The following PLEKHG6 variants were observed in gnomAD, a reference collection of about 807,000 sequenced individuals.
The protein encoded by PLEKHG6 is pleckstrin homology and RhoGEF domain containing G6, also known as pleckstrin homology domain-containing family G member 6.
A neutral mutation model predicts 97.5 loss-of-function variants in PLEKHG6; 91 were observed. That is an observed-to-expected ratio of 0.93 (90% CI 0.79 to 1.11). The LOEUF is 1.11. Ranked by LOEUF, PLEKHG6 falls within the 50% of genes most tolerant of loss-of-function variation. The pLI, the probability that PLEKHG6 is intolerant of heterozygous loss-of-function variation, is 0.00. For synonymous variants in PLEKHG6, 466 were observed against 425.5 expected, an observed-to-expected ratio of 1.10 and a Z score of -1.17; for missense variants, 1,044 against 1,031.0, an observed-to-expected ratio of 1.01 and a Z score of -0.17.
intron 11 of PLEKHG6, 88 bp from the exon 12 acceptor site, chr12:6,318,657 T>A: frequency 6.9e-7 from 1 of 1,440,174 alleles, no homozygotes; most frequent in Non-Finnish European, 9.7e-7. Context: ...CCTGTGTGCC[T>A]GCGCACCATG....
intron 13 of PLEKHG6, among the ~76,000 whole-genome samples, chr12:6,324,711 G>T (rs1467991583): frequency 1.3e-5 from 2 of 152,170 alleles, no homozygotes; most frequent in Non-Finnish European, 2.9e-5. Context: ...AGAAAAAGCA[G>T]AATGGGAACT....
At chr12:6,326,748 C>G (rs1395968238) in intron 14 of PLEKHG6, among the ~76,000 whole-genome samples, 175 bp downstream of exon 14, 7 of 152,118 alleles carry the variant, frequency 4.6e-5, no homozygotes, top group African/African-American at 1.7e-4. Context: ...TTGGTACCAG[C>G]CGTGTTGGGT....
chr12:6,315,833 C>T lies in PLEKHG6; in HGVS notation c.556-36C>T, dbSNP rs747717185. 26 of 1,537,210 alleles carry T rather than the reference C, an allele frequency of 1.7e-5. No homozygotes were observed. In the South Asian group the frequency reaches 2.7e-4, roughly 16 times the overall value. On this transcript the variant is annotated intron_variant, in intron 5 of 15. Coordinates refer to ENST00000684764, the MANE Select transcript of PLEKHG6 (RefSeq NM_001384598.1). This position sits in a 1 kb window ranked among gnomAD's most constrained non-coding sequence, Gnocchi z 4.5. ...GGGAGGTGACGACACTGAAGGGCTG[C>T]GCTGGGTCCTGAGACCCTCGTCTCC...
chr12:6,318,759 G>A lies in PLEKHG6; in HGVS notation c.1290G>A (p.Leu430=). 6.2e-7 allele frequency: 1 copy of A among 1,613,856 alleles called. No homozygotes were observed. Among genetic ancestry groups the A allele is most frequent in the Non-Finnish European group, 8.5e-7 (1 of 1,179,942 alleles). Residue 430 remains leucine, a synonymous_variant, in exon 12 of 16, where the codon CTG becomes CTA. Coordinates refer to ENST00000684764, the MANE Select transcript of PLEKHG6 (RefSeq NM_001384598.1). ...CCCACCCCCAGCTGGACGTGTACCT[G>A]TTCCTCTTCTCTGATGTGCTCCTTG... The part of the protein sequence containing the change: ...EGREGKLDVY[L]FLFSDVLLVT...
rs534356410 is a variant in PLEKHG6 at position 6,321,609 on chromosome 12, C to T, written c.1524+2501C>T. Among the ~76,000 whole-genome samples, 146 of 151,788 alleles carry T rather than the reference C, an allele frequency of 9.6e-4. No homozygotes were observed. In the South Asian group the frequency reaches 0.017, roughly 18 times the overall value. On this transcript the variant is annotated intron_variant, in intron 13 of 15. Transcript: ENST00000684764. ...ATCCCAGCACTTTGGGAGGCCGAGG[C>T]GGGCCGATCACGAGGTCAGGAGATT...
intron 13 of PLEKHG6, among the ~76,000 whole-genome samples, chr12:6,323,195 G>A (rs765889590): frequency 1.1e-4 from 16 of 152,180 alleles, no homozygotes; most frequent in Non-Finnish European, 1.9e-4. Flanking sequence ...CAGTCCCCTG[G>A]TAGTCTCACT....
At position 6,327,553 on chromosome 12, in the gene PLEKHG6, G is replaced by T; in HGVS notation, c.1970G>T (p.Gly657Val). Residue 657 changes from glycine (G) to valine (V), a missense_variant, in exon 15 of 16, where the codon GGC becomes GTC. Coordinates refer to ENST00000684764, the MANE Select transcript of PLEKHG6 (RefSeq NM_001384598.1). ...CTGCCGGAAGGAATCCTAAAAGGAG[G>T]CAGTCTTCCCCAGGAAGACCCACCA... is the stretch of plus-strand genomic sequence containing the variant. The part of the protein sequence containing the change: ...PELPEGILKG[G>V]SLPQEDPPTW... 1 of 1,604,466 alleles carries T rather than the reference G, an allele frequency of 6.2e-7. No homozygotes were observed. The highest frequency in any genetic ancestry group is 8.5e-7 in the Non-Finnish European group (1 of 1,175,520).
rs1947835665 is a variant in PLEKHG6 at position 6,325,646 on chromosome 12, G to A, written c.1525-782G>A. The stretch of plus-strand genomic sequence containing the variant: ...CCCTCCTGCTCCTCCCAGCTTCAGG[G>A]CAGAGGCCCAGGTGGTAGGAGAGGG... On this transcript the variant is annotated intron_variant, in intron 13 of 15. Coordinates refer to ENST00000684764, the MANE Select transcript of PLEKHG6 (RefSeq NM_001384598.1). Among the ~76,000 whole-genome samples, 3 of 152,196 alleles carry A rather than the reference G, an allele frequency of 2.0e-5. No individual in the cohort carries two copies. The South Asian group carries it at 6.2e-4, about 32-fold the overall frequency.
In PLEKHG6 at chr12:6,313,068, G is replaced by T; in HGVS notation, c.139-561G>T. 3 of 1,520,810 alleles carry T rather than the reference G, an allele frequency of 2.0e-6. No homozygotes were observed. The South Asian group carries it at 3.6e-5, about 18-fold the overall frequency. The allele number at this position is 1,520,810 out of a possible 1,614,324, so 94.2% of individuals were successfully genotyped here. A position where few individuals can be genotyped will look rare whatever the true frequency, so the allele number is the denominator to read the frequency against. ...AGGCCACAGGCAAATGAAGGAATGTGACCAGGCCTGCCCTGGGAGGAGCTG... is the reference window on the plus strand; with the variant it reads ...AGGCCACAGGCAAATGAAGGAATGTTACCAGGCCTGCCCTGGGAGGAGCTG... On this transcript the variant is annotated intron_variant, in intron 2 of 15. Coordinates refer to ENST00000684764, the MANE Select transcript of PLEKHG6 (RefSeq NM_001384598.1).
chr12:6,317,488 T>G, intron 8 of PLEKHG6, 59 bp from the exon 9 acceptor site: 1 of 1,612,346 alleles, frequency 6.2e-7, no homozygotes, highest in East Asian at 2.2e-5. Context: ...TGAGGCTGAG[T>G]TCACCACTAG....
rs771714619 is a variant in PLEKHG6, at chr12:6,313,583, T to C, written c.139-46T>C. ...CCCCCTACTACCTCTCTGGGGTTTCTGGGGAAAGGGAGGCACCCCCAGAAC... is the reference window on the plus strand; with the variant it reads ...CCCCCTACTACCTCTCTGGGGTTTCCGGGGAAAGGGAGGCACCCCCAGAAC... On this transcript the variant is annotated intron_variant, in intron 2 of 15. Transcript: ENST00000684764. The C allele has an allele frequency of 4.4e-6, 7 of 1,608,100 alleles. No homozygotes were observed. In the Admixed American group the frequency reaches 1.2e-4, roughly 27 times the overall value.
chr12:6,317,812 G>T, intron 9 of PLEKHG6, 45 bp from the exon 10 acceptor site: 1 of 1,538,190 alleles, frequency 6.5e-7, no homozygotes, highest in Non-Finnish European at 8.8e-7. Context: ...GGTTGGGAGG[G>T]GACGGCTGAG....
intron 9 of PLEKHG6, 74 bp downstream of exon 9, chr12:6,317,770 T>A (rs767362517): frequency 2.2e-5 from 35 of 1,576,868 alleles, no homozygotes; most frequent in Middle Eastern, 1.7e-4. Context: ...AGTGTGTCTG[T>A]GACAGTGTGG....
chr12:6,318,446 G>A (rs1947568273), intron 11 of PLEKHG6, 26 bp downstream of exon 11: 1 of 1,585,442 alleles, frequency 6.3e-7, no homozygotes, highest in African/African-American at 1.4e-5. Context: ...ACAGAGTGGA[G>A]GGGATGGGGC....
At chr12:6,325,888 C>T (rs1947841775) in intron 13 of PLEKHG6, among the ~76,000 whole-genome samples, 1 of 152,200 alleles carries the variant, frequency 6.6e-6, no homozygotes, top group Non-Finnish European at 1.5e-5. Flanking sequence ...CAAATCCCGG[C>T]ACCACCCCAC....
rs781362271 is a variant in PLEKHG6 at position 6,328,162 on chromosome 12, T to C, written c.*17T>C. The C allele has an allele frequency of 2.5e-6, 4 of 1,613,134 alleles. No homozygotes were observed. The highest frequency in any genetic ancestry group is 3.4e-6 in the Non-Finnish European group (4 of 1,179,170). On this transcript the variant is annotated 3_prime_UTR_variant, in exon 16 of 16. Coordinates refer to ENST00000684764, the MANE Select transcript of PLEKHG6 (RefSeq NM_001384598.1). ...GAGGTATGAGGAATGCAGAGGACCTTTGGCATGCATCTCTCCCAGAGGAGA... is the reference window on the plus strand; with the variant it reads ...GAGGTATGAGGAATGCAGAGGACCTCTGGCATGCATCTCTCCCAGAGGAGA...
At chr12:6,326,681 A>T in intron 14 of PLEKHG6, 108 bp downstream of exon 14, 1 of 1,101,822 alleles carries the variant, frequency 9.1e-7, no homozygotes, top group Non-Finnish European at 1.2e-6. Flanking sequence ...TAGATAGAGG[A>T]ACGCAGGCGT....
intron 13 of PLEKHG6, among the ~76,000 whole-genome samples, chr12:6,324,297 C>CCG (rs1555105536): frequency 3.1e-4 from 46 of 150,292 alleles, no homozygotes; most frequent in African/African-American, 1.0e-3. Context: ...CCCCCTCCCC[C>CCG]CCCCGCCGCC....
chr12:6,328,499 A>T lies in PLEKHG6; in HGVS notation c.*354A>T, dbSNP rs556687249. The T allele has an allele frequency of 5.4e-4, 116 of 216,014 alleles. No individual in the cohort carries two copies. Among genetic ancestry groups the T allele is most frequent in the Middle Eastern group, 3.3e-3 (2 of 614 alleles). The allele number at this position is 216,014 out of a possible 1,614,324, so 13.4% of individuals were successfully genotyped here. On this transcript the variant is annotated 3_prime_UTR_variant, in exon 16 of 16. Transcript: ENST00000684764. Reference sequence around the variant, plus strand: ...CCCTGTCTTTACAAAAAAAAATTTTAAAAATTACCCAGGTGTGGTGGTGTG... The same window carrying T: ...CCCTGTCTTTACAAAAAAAAATTTTTAAAATTACCCAGGTGTGGTGGTGTG...
Sources: allele counts gnomAD v4.1 joint callset (sites outside exome capture counted in the v4.1 genomes callset), GRCh38; gene constraint gnomAD v4.1.1; non-coding constraint Gnocchi (gnomAD v3.1); transcripts MANE v1.5; gene names NCBI Gene and HGNC (gene_info 2026-07-23, HGNC 2026-07-21).